SRPK2: variants seen among roughly 807,000 people sequenced by gnomAD.
SRPK2 encodes SFRS protein kinase 2.
In SRPK2, 21 loss-of-function variants were observed where a neutral mutation model predicts 90.8. The ratio of observed to expected loss-of-function variants is 0.23; its 90% CI spans 0.16 to 0.33. SRPK2 has a LOEUF of 0.33. Among genes scored for constraint, SRPK2 ranks in the 10% least tolerant of loss-of-function variants. The pLI is 1.00. For missense variants in SRPK2, 620 were observed against 869.0 expected, an observed-to-expected ratio of 0.71 and a Z score of 3.60; for synonymous variants, 288 against 311.1, an observed-to-expected ratio of 0.93 and a Z score of 0.78.
At chr7:105,396,751 A>G (rs1237214390) in intron 1 of SRPK2, among the ~76,000 whole-genome samples, 2 of 147,726 alleles carry the variant, frequency 1.4e-5, no homozygotes, top group Non-Finnish European at 3.0e-5. Flanking sequence ...GGAGGAGGAG[A>G]GGAGAGGAAA....
intron 2 of SRPK2, among the ~76,000 whole-genome samples, chr7:105,231,284 T>C (rs1383084286): frequency 2.6e-5 from 4 of 152,224 alleles, no homozygotes; most frequent in African/African-American, 9.6e-5. Context: ...TATGGCTGCA[T>C]AGTGTTACAT....
intron 2 of SRPK2, among the ~76,000 whole-genome samples, chr7:105,260,938 C>T (rs968147554): frequency 1.1e-4 from 16 of 146,370 alleles, no homozygotes; most frequent in African/African-American, 3.0e-4. Context: ...ATGTAAATAA[C>T]GAGTTGATGG....
At chr7:105,384,002 T>C (rs1012105547) in intron 2 of SRPK2, among the ~76,000 whole-genome samples, 1 of 152,180 alleles carries the variant, frequency 6.6e-6, no homozygotes, top group African/African-American at 2.4e-5. Flanking sequence ...ATGGAGTTTC[T>C]TTCTGGGGAA....
chr7:105,288,010 A>G (rs1808400745), intron 2 of SRPK2, among the ~76,000 whole-genome samples: 1 of 152,204 alleles, frequency 6.6e-6, no homozygotes. Context: ...CCAAAATGCC[A>G]ATTTTCACTT....
rs115606151 is a variant in SRPK2 at position 105,211,484 on chromosome 7, C to A, written c.72-7699G>T. ...GCATCTGCTAAGCTTCCGGGAAGGC[C>A]TCAGGAAACTTACAATCATGGTGGA... On this transcript the variant is annotated intron_variant, in intron 2 of 15. Transcript: ENST00000393651. Among the ~76,000 whole-genome samples the A allele has an allele frequency of 2.1e-3, 326 of 152,184 alleles. 1 individual carries two copies. The highest frequency in any genetic ancestry group is 7.6e-3 in the African/African-American group (315 of 41,524).
At chr7:105,245,030 AACAAACAC>A (rs1485687598) in intron 2 of SRPK2, 8 of 489,098 alleles carry the variant, frequency 1.6e-5, no homozygotes, top group East Asian at 7.0e-5. Context: ...AACAAAACAA[AACAAACAC>A]ACACACACAC....
chr7:105,312,357 T>C (rs893793561), intron 2 of SRPK2, among the ~76,000 whole-genome samples: 20 of 140,878 alleles, frequency 1.4e-4, no homozygotes, highest in African/African-American at 5.2e-4. Context: ...GGAGAATCGT[T>C]TGAACCCAGG....
chr7:105,389,245 C>T (rs1427336805), upstream of SRPK2: 2 of 1,255,390 alleles, frequency 1.6e-6, no homozygotes, highest in Non-Finnish European at 2.1e-6. Context: ...CCTCCGCACC[C>T]CGGCCGGTCG....
At chr7:105,135,395 C>T (rs1802649571) in intron 11 of SRPK2, among the ~76,000 whole-genome samples, 1 of 152,136 alleles carries the variant, frequency 6.6e-6, no homozygotes, top group Non-Finnish European at 1.5e-5. Context: ...GCTGAACCAT[C>T]GTCTGGGGCA....
chr7:105,126,412 A>G, intron 14 of SRPK2, 72 bp from the exon 15 acceptor site: 1 of 1,134,686 alleles, frequency 8.8e-7, no homozygotes. Context: ...AGAAGAGGGA[A>G]AAATTGAAAT....
chr7:105,351,528 C>T (rs369284831), intron 2 of SRPK2, among the ~76,000 whole-genome samples: 17 of 151,624 alleles, frequency 1.1e-4, no homozygotes, highest in African/African-American at 2.7e-4. Flanking sequence ...ACCGGCCGGG[C>T]GCAGTAGCTC....
At chr7:105,145,341 C>A in intron 8 of SRPK2, 33 bp from the exon 9 acceptor site, 2 of 1,544,304 alleles carry the variant, frequency 1.3e-6, no homozygotes, top group Non-Finnish European at 1.8e-6. Flanking sequence ...CTGTATTTAG[C>A]AGAAAACAGA....
chr7:105,160,646 A>G (rs1025321586), intron 6 of SRPK2, 33 bp from the exon 7 acceptor site: 8 of 1,345,180 alleles, frequency 5.9e-6, no homozygotes, highest in Non-Finnish European at 8.6e-6. Context: ...TTGTGGATGC[A>G]CTGCCTGGAG....
At chr7:105,189,298 A>C (rs1793979140) in intron 3 of SRPK2, 1 of 156,038 alleles carries the variant, frequency 6.4e-6, no homozygotes, top group African/African-American at 2.4e-5. Flanking sequence ...AGGTGGTGTA[A>C]ATGTTGAACC....
At chr7:105,226,044 T>A in intron 2 of SRPK2, among the ~76,000 whole-genome samples, 1 of 152,184 alleles carries the variant, frequency 6.6e-6, no homozygotes, top group Non-Finnish European at 1.5e-5. Flanking sequence ...CTAATAAAAT[T>A]ATCTTTAAAA....
At position 105,343,305 on chromosome 7, in the gene SRPK2, G is replaced by A. The variant is rs144438760; in HGVS notation, c.71+45343C>T. On this transcript the variant is annotated intron_variant, in intron 2 of 15. Transcript: ENST00000393651. ...AAAAACTAGCCAGGTATGATGGCAC[G>A]TGCCTGTAGTCCCAGCTATACAGGA... Among the ~76,000 whole-genome samples the A allele has an allele frequency of 1.2e-4, 19 of 152,150 alleles. No homozygotes were observed. In the East Asian group the frequency reaches 1.3e-3, roughly 11 times the overall value.
At chr7:105,223,573 T>G (rs905591876) in intron 2 of SRPK2, among the ~76,000 whole-genome samples, 1 of 152,222 alleles carries the variant, frequency 6.6e-6, no homozygotes. Flanking sequence ...ATTGTCTATG[T>G]CCCCCACAGA....
intron 2 of SRPK2, among the ~76,000 whole-genome samples, chr7:105,363,802 A>T (rs1818706608): frequency 6.6e-6 from 1 of 152,254 alleles, no homozygotes; most frequent in African/African-American, 2.4e-5. Flanking sequence ...CATCAATGAT[A>T]GAGTGGATTA....
At chr7:105,156,861 G>C in intron 7 of SRPK2, among the ~76,000 whole-genome samples, 1 of 152,060 alleles carries the variant, frequency 6.6e-6, no homozygotes, top group Non-Finnish European at 1.5e-5. Context: ...CAGAAGTTAG[G>C]TAACTTGGCC....
Sources: allele counts gnomAD v4.1 joint callset (sites outside exome capture counted in the v4.1 genomes callset), GRCh38; gene constraint gnomAD v4.1.1; transcripts MANE v1.5; gene names NCBI Gene and HGNC (gene_info 2026-07-23, HGNC 2026-07-21).